Variants in SLC26A7 observed in about 807,000 individuals in gnomAD.
The protein encoded by SLC26A7 is anion exchange transporter.
SLC26A7 carries 59 observed loss-of-function variants against 82.5 expected under a neutral mutation model. That is an observed-to-expected ratio of 0.72 (90% confidence interval 0.58 to 0.89). The LOEUF (loss-of-function observed/expected upper bound fraction) is 0.89, where lower values mean the gene tolerates loss of function less well. Ranked by LOEUF, SLC26A7 falls within the 40% of genes least tolerant of loss-of-function variation. SLC26A7 has a pLI of 0.00. For missense variants in SLC26A7, 820 were observed against 793.0 expected (o/e 1.03, Z -0.41); for synonymous variants, 271 against 274.3 (o/e 0.99, Z 0.12).
intron 2 of SLC26A7, among the ~76,000 whole-genome samples, chr8:91,252,835 C>G (rs1810696962): frequency 6.6e-6 from 1 of 152,078 alleles, no homozygotes; most frequent in Non-Finnish European, 1.5e-5. Flanking sequence ...TCTTCCAGTC[C>G]TAGCCTGTAA....
intron 5 of SLC26A7, among the ~76,000 whole-genome samples, chr8:91,327,667 A>G (rs973747545): frequency 2.6e-5 from 4 of 152,318 alleles, no homozygotes; most frequent in Middle Eastern, 3.4e-3. Context: ...AGAATTGTAG[A>G]TTGCAGATTA....
chr8:91,338,155 T>G lies in SLC26A7; in HGVS notation c.801T>G (p.Ile267Met). 1 of 1,609,204 alleles carries G rather than the reference T, an allele frequency of 6.2e-7. No homozygotes were observed. Among genetic ancestry groups the G allele is most frequent in the South Asian group, 1.1e-5 (1 of 90,000 alleles). Reference protein sequence around the residue: ...VVLPVDLVLIIAASFACYCTN... With the variant: ...VVLPVDLVLIMAASFACYCTN... The stretch of plus-strand genomic sequence containing the variant: ...TTTCAAATGGAACCACACAGATTAT[T>G]GCTGCATCATTTGCTTGTTATTGCA... The change falls in exon 7 of 19, where the codon ATT becomes ATG. Residue 267 changes from isoleucine (I) to methionine (M), a missense_variant. Physicochemically the swap from Ile to Met is conservative, Grantham distance 10. Coordinates refer to ENST00000276609, the MANE Select transcript of SLC26A7 (RefSeq NM_052832.4).
At chr8:91,231,955 A>AT (rs1182645370) in intron 2 of SLC26A7, among the ~76,000 whole-genome samples, 9 of 152,108 alleles carry the variant, frequency 5.9e-5, no homozygotes, top group Admixed American at 5.9e-4. Context: ...TCTTTGTGTC[A>AT]TTTTTTAGAA....
intron 4 of SLC26A7, among the ~76,000 whole-genome samples, chr8:91,303,476 G>T (rs549544330): frequency 6.6e-6 from 1 of 152,272 alleles, no homozygotes; most frequent in South Asian, 2.1e-4. Context: ...ACTGAGAAAG[G>T]TGTATTCATT....
Position 91,334,471 on chromosome 8 carries a change from C to A in SLC26A7, c.795+24C>A, listed in dbSNP as rs757607808. 19 of 1,596,592 alleles carry A rather than the reference C, an allele frequency of 1.2e-5. No individual in the cohort carries two copies. In the South Asian group the frequency reaches 1.8e-4, roughly 15 times the overall value. Reference sequence around the variant, plus strand: ...TGGTAAGTATAAAATCAACATTTAGCTTTTTGCCATGCAAAGCTTTCCAGT... The same window carrying A: ...TGGTAAGTATAAAATCAACATTTAGATTTTTGCCATGCAAAGCTTTCCAGT... On this transcript the variant is annotated intron_variant, in intron 6 of 18. Transcript: ENST00000276609.
At chr8:91,357,322 A>G (rs1813897844) in intron 11 of SLC26A7, 1 of 152,116 alleles carries the variant, frequency 6.6e-6, no homozygotes, top group African/African-American at 2.4e-5. Flanking sequence ...ATTTCACAGT[A>G]TTTGGCAAGT....
intron 2 of SLC26A7, among the ~76,000 whole-genome samples, chr8:91,258,462 T>G (rs1810868081): frequency 6.6e-6 from 1 of 152,016 alleles, no homozygotes; most frequent in Admixed American, 6.6e-5. Context: ...CCCTGTCCCC[T>G]CAACAACTAT....
At chr8:91,258,425 C>T (rs187189272) in intron 2 of SLC26A7, among the ~76,000 whole-genome samples, 1 of 152,032 alleles carries the variant, frequency 6.6e-6, no homozygotes, top group East Asian at 1.9e-4. Context: ...GTTTTTCATG[C>T]CAGAAACCTG....
intron 4 of SLC26A7, among the ~76,000 whole-genome samples, chr8:91,305,565 A>G (rs1352788815): frequency 2.0e-5 from 3 of 152,198 alleles, no homozygotes; most frequent in South Asian, 4.1e-4. Flanking sequence ...ATATGAAACC[A>G]GAGGAGTCAA....
intron 3 of SLC26A7, among the ~76,000 whole-genome samples, chr8:91,289,601 C>T (rs1197553601): frequency 6.6e-6 from 1 of 151,366 alleles, no homozygotes; most frequent in East Asian, 1.9e-4. Flanking sequence ...GCTGAAATTG[C>T]GCCACTGCGC....
chr8:91,373,133 C>G (rs1055728986), intron 15 of SLC26A7, among the ~76,000 whole-genome samples: 1 of 151,808 alleles, frequency 6.6e-6, no homozygotes, highest in African/African-American at 2.4e-5. Context: ...GTAGAGTCTT[C>G]AGAGTTTTCT....
chr8:91,366,556 G>C, intron 13 of SLC26A7, 24 bp from the exon 14 acceptor site: 2 of 1,606,102 alleles, frequency 1.2e-6, no homozygotes, highest in South Asian at 2.2e-5. Flanking sequence ...TTAGAGTTCT[G>C]AATCTGTTTT....
chr8:91,288,765 A>C (rs757976041), intron 2 of SLC26A7, among the ~76,000 whole-genome samples: 2 of 152,176 alleles, frequency 1.3e-5, no homozygotes, highest in Non-Finnish European at 2.9e-5. Flanking sequence ...CCTATCTTAC[A>C]GATGCTATTG....
Position 91,340,541 on chromosome 8 carries a change from A to G in SLC26A7, c.1016A>G (p.Asp339Gly). The G allele has an allele frequency of 6.2e-7, 1 of 1,613,884 alleles. No individual in the cohort carries two copies. Among genetic ancestry groups the G allele is most frequent in the South Asian group, 1.1e-5 (1 of 91,072 alleles). Residue 339 changes from aspartate (D) to glycine (G), a missense_variant, in exon 8 of 19, where the codon GAT becomes GGT. Transcript: ENST00000276609. Reference protein sequence around the residue: ...GSAKKFKYSIDDNQEFLAHGL... With the variant: ...GSAKKFKYSIGDNQEFLAHGL... ...GCCAAAAAATTCAAATATTCAATTG[A>G]TGACAACCAGGTGGAGTGTGCCCCC...
chr8:91,362,286 C>A, intron 11 of SLC26A7, 67 bp from the exon 12 acceptor site: 2 of 1,158,996 alleles, frequency 1.7e-6, no homozygotes, highest in Non-Finnish European at 2.5e-6. Context: ...TTGTGAGGAA[C>A]TTAGCAATAA....
intron 16 of SLC26A7, 54 bp downstream of exon 16, chr8:91,389,492 G>C: frequency 7.9e-7 from 1 of 1,268,024 alleles, no homozygotes; most frequent in Non-Finnish European, 1.2e-6. Context: ...TCAGTAACAG[G>C]GGTTTTCACC....
chr8:91,224,166 G>A (rs1169704184), intron 2 of SLC26A7, among the ~76,000 whole-genome samples: 1 of 151,924 alleles, frequency 6.6e-6, no homozygotes, highest in African/African-American at 2.4e-5. Context: ...CCCATCTTCT[G>A]AAGTCTACTT....
intron 2 of SLC26A7, among the ~76,000 whole-genome samples, chr8:91,253,041 A>G (rs1810702969): frequency 6.6e-6 from 1 of 152,132 alleles, no homozygotes; most frequent in South Asian, 2.1e-4. Flanking sequence ...CTTCAAAACA[A>G]ACTGAATGTA....
intron 15 of SLC26A7, among the ~76,000 whole-genome samples, chr8:91,381,582 A>G (rs1166556541): frequency 2.0e-5 from 3 of 152,086 alleles, no homozygotes; most frequent in African/African-American, 7.2e-5. Context: ...CTGCATCCTG[A>G]CCAGGCCCAC....
Sources: gnomAD v4.1 joint callset for allele counts (sites outside exome capture counted in the v4.1 genomes callset) on GRCh38, gnomAD v4.1.1 for gene constraint, MANE v1.5 for transcripts, NCBI Gene and HGNC (gene_info 2026-07-23, HGNC 2026-07-21) for gene names.